The following SLC25A21 variants were observed in gnomAD, a reference collection of about 807,000 sequenced individuals.
SLC25A21 encodes the protein solute carrier family 25 member 21.
Under a neutral mutation model 43.8 loss-of-function variants are expected in SLC25A21, and 47 were observed. The observed-to-expected ratio is 1.07, with a 90% CI of 0.85 to 1.37. The LOEUF (loss-of-function observed/expected upper bound fraction) is 1.37. Among genes scored for constraint, SLC25A21 ranks in the 40% most tolerant of loss-of-function variants. The pLI is 0.00. For missense variants in SLC25A21, 352 were observed against 350.2 expected (o/e 1.00, Z -0.04); for synonymous variants, 131 against 121.3 (o/e 1.08, Z -0.52).
chr14:36,711,568 A>G (rs944080959), intron 6 of SLC25A21, 86 bp from the exon 7 acceptor site: 3 of 1,417,342 alleles, frequency 2.1e-6, no homozygotes, highest in African/African-American at 1.4e-5. Flanking sequence ...CCTTCAAGCC[A>G]GAATTATTAG....
intron 6 of SLC25A21, among the ~76,000 whole-genome samples, chr14:36,722,884 TTTC>T (rs1422878286): frequency 2.0e-5 from 3 of 152,210 alleles, no homozygotes; most frequent in Non-Finnish European, 4.4e-5. Flanking sequence ...AATTAATTCT[TTTC>T]TTCTTCCACT....
At chr14:37,154,064 C>A (rs1963804791) in intron 1 of SLC25A21, among the ~76,000 whole-genome samples, 1 of 152,072 alleles carries the variant, frequency 6.6e-6, no homozygotes, top group Admixed American at 6.6e-5. Context: ...ACCTAGAGGC[C>A]CAAAAATCAG....
chr14:36,801,778 G>T (rs1594600551), intron 3 of SLC25A21, among the ~76,000 whole-genome samples: 1 of 152,102 alleles, frequency 6.6e-6, no homozygotes, highest in Admixed American at 6.6e-5. Context: ...ATCGACTGGA[G>T]TATTTGGGTT....
At position 36,851,390 on chromosome 14, in the gene SLC25A21, T is replaced by C. The variant is rs368265671; in HGVS notation, c.119+23566A>G. ...AACAAGATGCTGGCTAACAAGTTGA[T>C]ACACATGAGTTTCTATAATCAGGCA... On this transcript the variant is annotated intron_variant, in intron 2 of 9. Coordinates refer to ENST00000331299, the MANE Select transcript of SLC25A21 (RefSeq NM_030631.4). Among the ~76,000 whole-genome samples the C allele has an allele frequency of 1.1e-4, 17 of 152,304 alleles. No individual in the cohort carries two copies. The South Asian group carries it at 1.2e-3, about 11-fold the overall frequency.
rs144995079 is a variant in SLC25A21 at position 37,045,055 on chromosome 14, C to T, written c.70+127226G>A. 3.7e-3 allele frequency among the ~76,000 whole-genome samples: 561 copies of T among 152,314 alleles called. 6 individuals are homozygous for T. Among genetic ancestry groups the T allele is most frequent in the East Asian group, 0.025 (131 of 5,188 alleles). On this transcript the variant is annotated intron_variant, in intron 1 of 9. Coordinates refer to ENST00000331299, the MANE Select transcript of SLC25A21 (RefSeq NM_030631.4). ...TCCCACTCTCCTCTTCCCACCCATG[C>T]TCCTTCTAAAGTGCCAAGAATTCCA...
At chr14:36,721,233 C>G (rs1884362881) in intron 6 of SLC25A21, among the ~76,000 whole-genome samples, 1 of 152,140 alleles carries the variant, frequency 6.6e-6, no homozygotes. Context: ...TTTACTGAAC[C>G]ATCACTGCAT....
intron 1 of SLC25A21, among the ~76,000 whole-genome samples, chr14:36,980,951 G>A (rs549850291): frequency 2.0e-5 from 3 of 152,110 alleles, no homozygotes; most frequent in Admixed American, 1.3e-4. Flanking sequence ...TCGGACAAAG[G>A]GCTAATATCC....
At chr14:37,038,994 T>G (rs909388370) in intron 1 of SLC25A21, among the ~76,000 whole-genome samples, 1 of 152,122 alleles carries the variant, frequency 6.6e-6, no homozygotes, top group Non-Finnish European at 1.5e-5. Context: ...TAGAATGTCA[T>G]GCATAATCAC....
intron 1 of SLC25A21, among the ~76,000 whole-genome samples, chr14:36,999,191 T>C (rs934058890): frequency 2.0e-5 from 3 of 152,124 alleles, no homozygotes; most frequent in African/African-American, 7.2e-5. Flanking sequence ...TGGAATATTA[T>C]TCAGTGTAAA....
intron 1 of SLC25A21, among the ~76,000 whole-genome samples, chr14:36,921,956 C>T (rs1219437906): frequency 6.6e-6 from 1 of 151,736 alleles, no homozygotes; most frequent in South Asian, 2.1e-4. Context: ...ACCAGCCTGG[C>T]CAACATGGTG....
At chr14:37,056,219 T>G (rs536886318) in intron 1 of SLC25A21, among the ~76,000 whole-genome samples, 3 of 152,250 alleles carry the variant, frequency 2.0e-5, no homozygotes, top group Admixed American at 2.0e-4. Flanking sequence ...GGCCGGGCGC[T>G]GTGGCTCACG....
At chr14:37,160,362 A>G (rs1054480753) in intron 1 of SLC25A21, among the ~76,000 whole-genome samples, 16 of 152,252 alleles carry the variant, frequency 1.1e-4, no homozygotes, top group African/African-American at 3.6e-4. Flanking sequence ...TGGTATTTAT[A>G]GACAATGAAA....
At chr14:36,894,330 GCTCT>G (rs1169857042) in intron 1 of SLC25A21, among the ~76,000 whole-genome samples, 2 of 152,048 alleles carry the variant, frequency 1.3e-5, no homozygotes, top group Non-Finnish European at 2.9e-5. Flanking sequence ...TCATGATTTG[GCTCT>G]CTGTTTGTTG....
intron 7 of SLC25A21, among the ~76,000 whole-genome samples, chr14:36,689,048 A>G (rs1156984822): frequency 1.3e-5 from 2 of 152,200 alleles, no homozygotes; most frequent in Non-Finnish European, 2.9e-5. Context: ...GCTGATAAAG[A>G]CATACCTGAG....
chr14:36,791,212 A>G (rs1241288590), intron 3 of SLC25A21, among the ~76,000 whole-genome samples: 2 of 152,134 alleles, frequency 1.3e-5, no homozygotes, highest in Non-Finnish European at 2.9e-5. Context: ...TTTCAAACCA[A>G]CGTATTCCCA....
chr14:36,859,242 AAATGAG>A (rs2138528503), intron 2 of SLC25A21, among the ~76,000 whole-genome samples: 1 of 152,366 alleles, frequency 6.6e-6, no homozygotes, highest in South Asian at 2.1e-4. Flanking sequence ...TCTTTTAATT[AAATGAG>A]AGGCCAATCT....
chr14:37,019,884 A>C (rs557955895), intron 1 of SLC25A21, among the ~76,000 whole-genome samples: 1 of 151,856 alleles, frequency 6.6e-6, no homozygotes, highest in East Asian at 1.9e-4. Flanking sequence ...TAAAGATGTA[A>C]GATATAGATG....
chr14:36,918,768 C>T (rs961357352), intron 1 of SLC25A21, among the ~76,000 whole-genome samples: 5 of 152,038 alleles, frequency 3.3e-5, no homozygotes, highest in African/African-American at 1.2e-4. Flanking sequence ...TGTCACACAT[C>T]TTTATTACCT....
intron 1 of SLC25A21, among the ~76,000 whole-genome samples, chr14:37,063,986 T>A (rs1054834569): frequency 3.9e-5 from 6 of 152,208 alleles, no homozygotes; most frequent in African/African-American, 4.8e-5. Context: ...AATATCTAGA[T>A]AACTGGTAAA....
Sources: allele counts gnomAD v4.1 joint callset (sites outside exome capture counted in the v4.1 genomes callset), GRCh38; gene constraint gnomAD v4.1.1; transcripts MANE v1.5; gene names NCBI Gene and HGNC (gene_info 2026-07-23, HGNC 2026-07-21).